The following M1AP variants were observed in gnomAD, a reference collection of about 807,000 sequenced individuals.
M1AP encodes meiosis 1 arrest protein.
Under a neutral mutation model 51.2 loss-of-function variants are expected in M1AP, and 39 were observed. The ratio of observed to expected loss-of-function variants is 0.76; its 90% CI spans 0.59 to 1.00. The LOEUF (loss-of-function observed/expected upper bound fraction) is 1.00. Ranked by LOEUF, M1AP falls within the 50% of genes least tolerant of loss-of-function variation. The pLI is 0.00. For synonymous variants in M1AP, 251 were observed against 249.2 expected (o/e 1.01, Z -0.07); for missense variants, 545 against 641.2 (o/e 0.85, Z 1.62).
chr2:74,569,774 G>A (rs909869246), intron 7 of M1AP, among the ~76,000 whole-genome samples: 4 of 152,090 alleles, frequency 2.6e-5, no homozygotes, highest in Non-Finnish European at 5.9e-5. Flanking sequence ...AGAGAGAGGA[G>A]GACTACATTA....
At chr2:74,587,420 G>A (rs1375876616) in intron 4 of M1AP, among the ~76,000 whole-genome samples, 2 of 152,034 alleles carry the variant, frequency 1.3e-5, no homozygotes, top group African/African-American at 2.4e-5. Context: ...GGATGGTCTC[G>A]ATCTCCTGAC....
At chr2:74,627,866 A>G (rs981734449) in intron 2 of M1AP, among the ~76,000 whole-genome samples, 2 of 152,198 alleles carry the variant, frequency 1.3e-5, no homozygotes, top group Non-Finnish European at 2.9e-5. Flanking sequence ...CATAAGTCAA[A>G]TCACTCACTC....
intron 3 of M1AP, among the ~76,000 whole-genome samples, chr2:74,608,321 A>G (rs989980642): frequency 1.3e-5 from 2 of 152,152 alleles, no homozygotes; most frequent in African/African-American, 4.8e-5. Flanking sequence ...AGAATGTCAT[A>G]TAGTTGGGGA....
intron 2 of M1AP, among the ~76,000 whole-genome samples, chr2:74,621,301 A>G (rs532806525): frequency 6.6e-6 from 1 of 151,748 alleles, no homozygotes; most frequent in East Asian, 2.0e-4. Context: ...CCCAAAAAAC[A>G]AAAAAGCACC....
At chr2:74,564,711 T>C (rs1244271782) in intron 7 of M1AP, among the ~76,000 whole-genome samples, 3 of 152,050 alleles carry the variant, frequency 2.0e-5, no homozygotes, top group Non-Finnish European at 4.4e-5. Context: ...AATCATGGTG[T>C]GTGTGTATGT....
At chr2:74,622,245 ATTTTATTTTTTG>A (rs1682094675) in intron 2 of M1AP, among the ~76,000 whole-genome samples, 2 of 151,808 alleles carry the variant, frequency 1.3e-5, no homozygotes, top group Admixed American at 6.6e-5. Context: ...TTTATTTTTT[ATTTTATTTTTTG>A]AGACAGAGTT....
intron 10 of M1AP, 42 bp from the exon 11 acceptor site, chr2:74,558,916 T>C: frequency 1.3e-6 from 2 of 1,545,186 alleles, no homozygotes; most frequent in Non-Finnish European, 1.7e-6. Context: ...AGATCAGAGT[T>C]TCTGAGCACC....
Position 74,607,237 on chromosome 2 carries a change from C to G in M1AP, c.427-14G>C, listed in dbSNP as rs1481806603. On this transcript the variant is annotated splice_polypyrimidine_tract_variant and intron_variant, in intron 3 of 10. Transcript: ENST00000421985. ...CAGAATAGTAATCTGAAAATAAATC[C>G]AAGAATCAATGTGTCTATTCTCCCT... The G allele has an allele frequency of 6.2e-7, 1 of 1,613,110 alleles. No homozygotes were observed. The highest frequency in any genetic ancestry group is 2.2e-5 in the East Asian group (1 of 44,854).
intron 2 of M1AP, among the ~76,000 whole-genome samples, chr2:74,620,218 T>C (rs1009256607): frequency 6.6e-6 from 1 of 152,150 alleles, no homozygotes; most frequent in Non-Finnish European, 1.5e-5. Context: ...ACAAATTAAA[T>C]GTGGAAGGAA....
intron 4 of M1AP, among the ~76,000 whole-genome samples, chr2:74,588,825 G>C (rs762462226): frequency 1.6e-4 from 24 of 152,224 alleles, no homozygotes; most frequent in Admixed American, 5.2e-4. Context: ...CTCAGAGAGA[G>C]AGAACTGTTG....
rs748173359 is a variant in M1AP, at chr2:74,562,291, G to T, written c.1207C>A (p.Arg403=). ...AAGGTGCTGGGCAGCATCAGTTCCC[G>T]CGTGGCCACCGCCTTTACCAGCAGT... ...LTLLVKAVAT[R]ELMLPSTFPL... The change falls in exon 8 of 11, where the codon CGG becomes AGG. Residue 403 remains arginine, a synonymous_variant. Coordinates refer to ENST00000421985, the MANE Select transcript of M1AP (RefSeq NM_001321739.2). 6.2e-7 allele frequency: 1 copy of T among 1,614,050 alleles called. No homozygotes were observed. Among genetic ancestry groups the T allele is most frequent in the South Asian group, 1.1e-5 (1 of 91,090 alleles).
At chr2:74,633,555 T>C (rs974949947) in intron 2 of M1AP, among the ~76,000 whole-genome samples, 4 of 152,278 alleles carry the variant, frequency 2.6e-5, no homozygotes, top group Non-Finnish European at 2.9e-5. Context: ...TCCTTGGCTA[T>C]ATATTCCCAC....
chr2:74,607,692 T>C lies in M1AP; in HGVS notation c.427-469A>G, dbSNP rs182925301. On this transcript the variant is annotated intron_variant, in intron 3 of 10. Coordinates refer to ENST00000421985, the MANE Select transcript of M1AP (RefSeq NM_001321739.2). ...GGTTTCACCATGTTGGTCAGGCTGG[T>C]CTCGAACTCCTGACCTCGTGATCCG... Among the ~76,000 whole-genome samples, 748 of 152,294 alleles carry C rather than the reference T, an allele frequency of 4.9e-3. 11 individuals are homozygous for C. The highest frequency in any genetic ancestry group is 0.016 in the African/African-American group (655 of 41,568).
rs774187541 is a variant in M1AP at position 74,640,203 on chromosome 2, G to C, written c.73C>G (p.Leu25Val). 6.2e-7 allele frequency: 1 copy of C among 1,614,154 alleles called. No homozygotes were observed. Among genetic ancestry groups the C allele is most frequent in the Non-Finnish European group, 8.5e-7 (1 of 1,180,028 alleles). The part of the protein sequence containing the change: ...TQIDQQPPRL[L>V]IVHIALPSWA... ...GACGGTAGAGCAATGTGCACAATGA[G>C]AAGCCGTGGAGGTTGCTGGTCAATC... The change falls in exon 2 of 11, where the codon CTC (leucine) becomes GTC (valine). Residue 25 changes from leucine (L) to valine (V), a missense_variant. Transcript: ENST00000421985.
At chr2:74,621,846 G>C (rs1035131087) in intron 2 of M1AP, among the ~76,000 whole-genome samples, 1 of 151,366 alleles carries the variant, frequency 6.6e-6, no homozygotes, top group African/African-American at 2.4e-5. Context: ...GGTGGCTCAA[G>C]CCTGTAATCC....
intron 2 of M1AP, among the ~76,000 whole-genome samples, chr2:74,634,238 C>A (rs1252367023): frequency 6.6e-6 from 1 of 152,118 alleles, no homozygotes; most frequent in African/African-American, 2.4e-5. Flanking sequence ...AAATGACCAA[C>A]AAATACCTTG....
At chr2:74,563,565 C>G (rs968830818) in intron 7 of M1AP, among the ~76,000 whole-genome samples, 2 of 144,202 alleles carry the variant, frequency 1.4e-5, no homozygotes, top group African/African-American at 5.2e-5. Flanking sequence ...CACCATTGCA[C>G]TACAGCCTGG....
At chr2:74,622,392 C>A (rs2104770558) in intron 2 of M1AP, among the ~76,000 whole-genome samples, 1 of 152,114 alleles carries the variant, frequency 6.6e-6, no homozygotes, top group Non-Finnish European at 1.5e-5. Flanking sequence ...GTGGCTGCCA[C>A]CATGCCTGGC....
At chr2:74,572,389 T>G (rs1160134365) in intron 7 of M1AP, among the ~76,000 whole-genome samples, 1 of 152,172 alleles carries the variant, frequency 6.6e-6, no homozygotes, top group Non-Finnish European at 1.5e-5. Context: ...GGTGCGATCA[T>G]GGGTCACTGC....
Sources: gnomAD v4.1 joint callset for allele counts (sites outside exome capture counted in the v4.1 genomes callset) on GRCh38, gnomAD v4.1.1 for gene constraint, MANE v1.5 for transcripts, NCBI Gene and HGNC (gene_info 2026-07-23, HGNC 2026-07-21) for gene names.